The following FAM131C variants were observed in gnomAD, a reference collection of about 807,000 sequenced individuals.
FAM131C encodes the protein protein FAM131C.
A neutral mutation model predicts 29.8 loss-of-function variants in FAM131C; 14 were observed. That is an observed-to-expected ratio of 0.47 (90% confidence interval 0.31 to 0.73). The LOEUF (loss-of-function observed/expected upper bound fraction) is 0.73. FAM131C is among the 30% of genes least tolerant of loss of function. FAM131C has a pLI of 0.05. For synonymous variants in FAM131C, 86 were observed against 157.8 expected, an observed-to-expected ratio of 0.54 and a Z score of 3.41; for missense variants, 252 against 383.8, an observed-to-expected ratio of 0.66 and a Z score of 2.87.
At chr1:16,060,620 C>T (rs1245252080) in intron 4 of FAM131C, among the ~76,000 whole-genome samples, 5 of 152,070 alleles carry the variant, frequency 3.3e-5, no homozygotes, top group African/African-American at 1.2e-4. Flanking sequence ...TTTGAACAGA[C>T]AGAGGCAAGA....
At position 16,065,759 on chromosome 1, in the gene FAM131C, C is replaced by A. The variant is rs972043621; in HGVS notation, c.23-2123G>T. ...TGAGACCACCCCACTGCCTGGCTGG[C>A]CTCCTCCATCCTCCTCTCGCTCCAT... On this transcript the variant is annotated intron_variant, in intron 1 of 6. Transcript: ENST00000375662. Among the ~76,000 whole-genome samples, 12 of 152,200 alleles carry A rather than the reference C, an allele frequency of 7.9e-5. No individual in the cohort carries two copies. The East Asian group carries it at 2.1e-3, about 27-fold the overall frequency.
rs765286757 is a variant in FAM131C at position 16,058,703 on chromosome 1, A to C, written c.577T>G (p.Tyr193Asp). 2 of 1,594,244 alleles carry C rather than the reference A, an allele frequency of 1.3e-6. No homozygotes were observed. Among genetic ancestry groups the C allele is most frequent in the Non-Finnish European group, 1.7e-6 (2 of 1,172,134 alleles). ...CCGCTGGGAAGGCTGTCCTGAAGGTAGATGCTCTCCAGATCTGGAAAAGCA... is the reference window on the plus strand; with the variant it reads ...CCGCTGGGAAGGCTGTCCTGAAGGTCGATGCTCTCCAGATCTGGAAAAGCA... ...IVQLQDLESIYLQDSLPSGPS... is the reference protein window; with the variant it reads ...IVQLQDLESIDLQDSLPSGPS... The change falls in exon 7 of 7, where the codon TAC becomes GAC. Residue 193 changes from tyrosine to aspartate, a missense_variant. Physicochemically the swap from Tyr to Asp is radical, Grantham distance 160. Transcript: ENST00000375662.
Position 16,063,294 on chromosome 1 carries a change from C to A in FAM131C, c.138+227G>T, listed in dbSNP as rs145606240. Among the ~76,000 whole-genome samples, 589 of 146,368 alleles carry A rather than the reference C, an allele frequency of 4.0e-3. 2 individuals carry two copies. The highest frequency in any genetic ancestry group is 0.015 in the African/African-American group (572 of 38,486). On this transcript the variant is annotated intron_variant, in intron 2 of 6. Transcript: ENST00000375662. The stretch of plus-strand genomic sequence containing the variant: ...GCAGAGTTAATTTGCGCAGGAAGAC[C>A]TTCAGGGTGGTTGGTCTTCTAAACA...
chr1:16,072,968 G>C (rs2023768942), intron 1 of FAM131C, among the ~76,000 whole-genome samples: 1 of 152,056 alleles, frequency 6.6e-6, no homozygotes, highest in Admixed American at 6.5e-5. Context: ...TCTGCAGATG[G>C]GGGCACCCGG....
intron 1 of FAM131C, among the ~76,000 whole-genome samples, chr1:16,070,863 G>A (rs1449607071): frequency 6.6e-6 from 1 of 152,212 alleles, no homozygotes; most frequent in Admixed American, 6.5e-5. Context: ...AGTAAATGGT[G>A]GAGCCCTGCT....
chr1:16,063,811 C>T (rs1360090517), intron 1 of FAM131C, among the ~76,000 whole-genome samples, 175 bp from the exon 2 acceptor site: 4 of 152,050 alleles, frequency 2.6e-5, no homozygotes, highest in Non-Finnish European at 4.4e-5. Flanking sequence ...GCCCTCCTGC[C>T]TGTGCCCCTC....
At chr1:16,060,620 CAG>C (rs1012235589) in intron 4 of FAM131C, among the ~76,000 whole-genome samples, 1 of 152,070 alleles carries the variant, frequency 6.6e-6, no homozygotes, top group Non-Finnish European at 1.5e-5. Flanking sequence ...TTTGAACAGA[CAG>C]AGGCAAGACT....
intron 1 of FAM131C, among the ~76,000 whole-genome samples, chr1:16,065,114 G>A (rs887403386): frequency 6.6e-6 from 1 of 152,176 alleles, no homozygotes; most frequent in African/African-American, 2.4e-5. Flanking sequence ...CCTCACTTGA[G>A]CTCCCAACTG....
intron 1 of FAM131C, among the ~76,000 whole-genome samples, chr1:16,073,166 C>T (rs1418462716): frequency 2.6e-5 from 4 of 152,022 alleles, no homozygotes; most frequent in Non-Finnish European, 5.9e-5. Context: ...CGGCACGGCA[C>T]GGGACCCTGC....
At chr1:16,064,883 G>A (rs2023659981) in intron 1 of FAM131C, among the ~76,000 whole-genome samples, 1 of 152,232 alleles carries the variant, frequency 6.6e-6, no homozygotes, top group Admixed American at 6.5e-5. Context: ...TCTTGGAGCT[G>A]GAGCTGTGCA....
At chr1:16,061,962 T>G in intron 4 of FAM131C, 137 bp downstream of exon 4, 1 of 820,410 alleles carries the variant, frequency 1.2e-6, no homozygotes, top group Non-Finnish European at 1.9e-6. Context: ...CAGCATGGAC[T>G]CTGGCATTTA....
At position 16,072,167 on chromosome 1, in the gene FAM131C, T is replaced by C. The variant is rs147077683; in HGVS notation, c.22+1254A>G. Among the ~76,000 whole-genome samples the C allele has an allele frequency of 5.1e-4, 78 of 152,282 alleles. No individual in the cohort carries two copies. The South Asian group carries it at 0.015, about 29-fold the overall frequency. Reference sequence around the variant, plus strand: ...CACGGTGCCTGGCACACGGCAGCTATCATGTTAATATCAGCTTAATGCATG... The same window carrying C: ...CACGGTGCCTGGCACACGGCAGCTACCATGTTAATATCAGCTTAATGCATG... On this transcript the variant is annotated intron_variant, in intron 1 of 6. Transcript: ENST00000375662.
At chr1:16,065,542 T>G (rs781671772) in intron 1 of FAM131C, among the ~76,000 whole-genome samples, 2 of 152,230 alleles carry the variant, frequency 1.3e-5, no homozygotes, top group Non-Finnish European at 2.9e-5. Flanking sequence ...GCGCCCTGCA[T>G]GGCTTCTAAG....
chr1:16,058,649 A>G lies in FAM131C; in HGVS notation c.631T>C (p.Phe211Leu), dbSNP rs2023532057. 6.3e-7 allele frequency: 1 copy of G among 1,598,344 alleles called. No individual in the cohort carries two copies. The highest frequency in any genetic ancestry group is 1.8e-5 in the Admixed American group (1 of 56,876). Residue 211 changes from phenylalanine (F) to leucine (L), a missense_variant, in exon 7 of 7, where the codon TTC becomes CTC. By Grantham distance (22) the Phe-to-Leu change is conservative. This residue lies in a region of FAM131C where 11 missense variants were observed against 76.8 expected (regional missense o/e 0.14). Transcript: ENST00000375662. ...TCAGGGGAGGGGCTGGGCGAGGAGA[A>G]GGCCTGAAGGCTGTCATCCTGTGAG... is the stretch of plus-strand genomic sequence containing the variant. ...GPSQDDSLQA[F>L]SSPSPSPDSC... is the part of the protein sequence containing the mutation.
chr1:16,063,264 G>A (rs1417513540), intron 2 of FAM131C, among the ~76,000 whole-genome samples: 3 of 151,912 alleles, frequency 2.0e-5, no homozygotes, highest in South Asian at 2.1e-4. Context: ...TGTGTTGTCT[G>A]CAAGGCAGAG....
rs781054255 is a variant in FAM131C, at chr1:16,059,890, G to C, written c.430C>G (p.Arg144Gly). 1.0e-5 allele frequency: 13 copies of C among 1,269,104 alleles called. No individual in the cohort carries two copies. Among genetic ancestry groups the C allele is most frequent in the Non-Finnish European group, 1.3e-5 (13 of 986,486 alleles). The allele number at this position is 1,269,104 out of a possible 1,614,324, so 78.6% of individuals were successfully genotyped here. ...EHYCCLPDEL[R>G]EARFAAGVAE... ...TGACCTGCAGCAAAGCGGGCCTCAC[G>C]CAGCTCATCCGGGAGGCAGCAGTAA... Residue 144 changes from arginine (R) to glycine (G), a missense_variant, in exon 5 of 7, where the codon CGT (arginine) becomes GGT (glycine). By Grantham distance (125) the Arg-to-Gly change is moderately radical (BLOSUM62 -2). Around this residue, in one of 6 missense-constraint regions of FAM131C, gnomAD observed 38 missense variants for 32.7 expected, o/e 1.16. Coordinates refer to ENST00000375662, the MANE Select transcript of FAM131C (RefSeq NM_182623.3).
At chr1:16,061,936 C>T (rs1280678723) in intron 4 of FAM131C, among the ~76,000 whole-genome samples, 163 bp downstream of exon 4, 2 of 151,332 alleles carry the variant, frequency 1.3e-5, no homozygotes, top group Admixed American at 6.6e-5. Context: ...CTGGTCCCCC[C>T]GTGACCCGCA....
At position 16,063,514 on chromosome 1, in the gene FAM131C, C is replaced by A. The variant is rs769533920; in HGVS notation, c.138+7G>T. ...AGGTAGCACAGGGATGAGGAGCAGC[C>A]AGTTACCTTGCCAATGACACAGTCT... On this transcript the variant is annotated splice_region_variant and intron_variant, in intron 2 of 6. Transcript: ENST00000375662. 2 of 1,608,160 alleles carry A rather than the reference C, an allele frequency of 1.2e-6. No individual in the cohort carries two copies. Among genetic ancestry groups the A allele is most frequent in the African/African-American group, 2.7e-5 (2 of 74,802 alleles).
intron 1 of FAM131C, among the ~76,000 whole-genome samples, chr1:16,065,087 C>T (rs1048804031): frequency 2.6e-5 from 4 of 152,214 alleles, no homozygotes; most frequent in African/African-American, 9.7e-5. Flanking sequence ...CCCATGTGCA[C>T]ACCTCCAGCC....
Sources: allele counts gnomAD v4.1 joint callset (sites outside exome capture counted in the v4.1 genomes callset), GRCh38; gene constraint gnomAD v4.1.1; regional missense constraint gnomAD v4.1.1; transcripts MANE v1.5; gene names NCBI Gene and HGNC (gene_info 2026-07-23, HGNC 2026-07-21).